CASK: variants seen among roughly 807,000 people sequenced by gnomAD.
CASK encodes the protein peripheral plasma membrane protein CASK.
Under a neutral mutation model 82.9 loss-of-function variants are expected in CASK, and 4 were observed. That is an observed-to-expected ratio of 0.05 (90% CI 0.02 to 0.11). The LOEUF (loss-of-function observed/expected upper bound fraction) is 0.11, where lower values mean the gene tolerates loss of function less well. Among genes scored for constraint, CASK ranks in the 10% least tolerant of loss-of-function variants. The pLI is 1.00. For missense variants in CASK, 358 were observed against 720.9 expected, an observed-to-expected ratio of 0.50 and a Z score of 5.76; for synonymous variants, 259 against 253.5, an observed-to-expected ratio of 1.02 and a Z score of -0.20.
intron 25 of CASK, chrX:41,524,293 C>A: frequency 2.8e-6 from 1 of 352,578 alleles, no homozygotes; most frequent in Non-Finnish European, 5.0e-6. Flanking sequence ...ATCTATTTTT[C>A]TTCATAAAAG....
At chrX:41,585,834 C>T (rs2065650414) in intron 14 of CASK, 1 of 109,419 alleles carries the variant, frequency 9.1e-6, no homozygotes, top group South Asian at 3.9e-4. Context: ...CTTTGATACA[C>T]ATATTATACT....
chrX:41,770,005 A>AATAATTTTCAAC (rs903562946), intron 3 of CASK, among the ~76,000 whole-genome samples: 1 of 111,185 alleles, frequency 9.0e-6, no homozygotes, highest in Non-Finnish European at 1.9e-5. Flanking sequence ...ATCTTAGGCC[A>AATAATTTTCAAC]ATAATTTTCA....
chrX:41,913,116 A>C, intron 1 of CASK, among the ~76,000 whole-genome samples: 1 of 110,957 alleles, frequency 9.0e-6, no homozygotes, highest in South Asian at 3.7e-4. Context: ...ACTGCTGACC[A>C]AATATTTTAC....
intron 5 of CASK, among the ~76,000 whole-genome samples, chrX:41,731,664 C>T (rs2068398543): frequency 8.9e-6 from 1 of 111,874 alleles, no homozygotes; most frequent in African/African-American, 3.3e-5. Flanking sequence ...GATATCTTTA[C>T]ACCATAGATG....
At chrX:41,646,628 T>C (rs2066762736) in intron 8 of CASK, among the ~76,000 whole-genome samples, 1 of 111,730 alleles carries the variant, frequency 9.0e-6, no homozygotes, top group Admixed American at 9.5e-5. Flanking sequence ...TCGACTGTTG[T>C]TCCCATTACC....
intron 25 of CASK, 43 bp downstream of exon 25, chrX:41,530,964 C>T: frequency 9.2e-7 from 1 of 1,085,529 alleles, no homozygotes; most frequent in Non-Finnish European, 1.3e-6. Flanking sequence ...TGCTTATTGG[C>T]ATGCAGGCAG....
chrX:41,731,605 A>G (rs1178358132), intron 5 of CASK, among the ~76,000 whole-genome samples: 2 of 112,078 alleles, frequency 1.8e-5, no homozygotes, highest in Admixed American at 1.9e-4. Flanking sequence ...TCACATTTTA[A>G]TTTCCTATAC....
intron 2 of CASK, among the ~76,000 whole-genome samples, chrX:41,823,518 C>T (rs1373845430): frequency 9.0e-6 from 1 of 110,900 alleles, no homozygotes; most frequent in Non-Finnish European, 1.9e-5. Flanking sequence ...CTCCCCATTC[C>T]TTCCTCTGCC....
intron 11 of CASK, among the ~76,000 whole-genome samples, chrX:41,618,296 A>G (rs1480946870): frequency 1.8e-5 from 2 of 111,861 alleles, no homozygotes; most frequent in Non-Finnish European, 3.8e-5. Context: ...CTGTCTCTGC[A>G]GGCAAGTGTT....
intron 5 of CASK, among the ~76,000 whole-genome samples, chrX:41,684,741 G>A (rs2067414441): frequency 3.6e-5 from 4 of 111,146 alleles, no homozygotes; most frequent in Admixed American, 9.6e-5. Flanking sequence ...CAAGTGATCC[G>A]CCCGCCTCAT....
rs367679092 is a variant in CASK at position 41,531,896 on chromosome X, T to C, written c.2318-687A>G. On this transcript the variant is annotated intron_variant, in intron 24 of 26. Coordinates refer to ENST00000378163, the MANE Select transcript of CASK (RefSeq NM_001367721.1). The stretch of plus-strand genomic sequence containing the variant: ...AGACCTAAATCAGGAGGTGACAAAC[T>C]GGCTTATGGGCCAAACATGGTCTAC... Among the ~76,000 whole-genome samples the C allele has an allele frequency of 1.1e-4, 12 of 112,607 alleles. No individual in the cohort carries two copies. The East Asian group carries it at 2.8e-3, about 26-fold the overall frequency.
At chrX:41,633,054 A>T (rs1228266753) in intron 9 of CASK, among the ~76,000 whole-genome samples, 4 of 88,752 alleles carry the variant, frequency 4.5e-5, no homozygotes, top group African/African-American at 7.0e-5. Context: ...AAAAAAAAAA[A>T]AAAATAATAA....
At chrX:41,885,549 TAAC>T (rs2072033462) in intron 1 of CASK, among the ~76,000 whole-genome samples, 2 of 112,308 alleles carry the variant, frequency 1.8e-5, no homozygotes, top group Non-Finnish European at 3.8e-5. Context: ...AAATAAGTGT[TAAC>T]AAACTTTGAA....
intron 11 of CASK, among the ~76,000 whole-genome samples, chrX:41,611,426 G>T (rs1368217529): frequency 9.0e-6 from 1 of 111,037 alleles, no homozygotes; most frequent in Admixed American, 9.6e-5. Context: ...GAAAAAAATG[G>T]AAGATTTATA....
At chrX:41,823,841 A>T (rs1011424888) in intron 2 of CASK, among the ~76,000 whole-genome samples, 15 of 110,032 alleles carry the variant, frequency 1.4e-4, no homozygotes, top group Admixed American at 3.9e-4. Flanking sequence ...CCTCATGATC[A>T]TTTTTTTTCA....
At chrX:41,542,123 A>G (rs1316677949) in intron 22 of CASK, among the ~76,000 whole-genome samples, 1 of 112,685 alleles carries the variant, frequency 8.9e-6, no homozygotes, top group Non-Finnish European at 1.9e-5. Flanking sequence ...CCAAGATAAG[A>G]TTCTTGCTCT....
intron 11 of CASK, among the ~76,000 whole-genome samples, chrX:41,620,762 T>C (rs2066276489): frequency 1.8e-5 from 2 of 112,124 alleles, no homozygotes; most frequent in Non-Finnish European, 3.8e-5. Context: ...GGAAACTGTA[T>C]TTTGGACATA....
intron 5 of CASK, among the ~76,000 whole-genome samples, chrX:41,720,291 G>A (rs933578920): frequency 1.8e-5 from 2 of 112,680 alleles, no homozygotes; most frequent in South Asian, 3.6e-4. Context: ...GTGAGGGCCT[G>A]AGAACAGTGT....
At chrX:41,603,816 A>G (rs1010993054) in intron 12 of CASK, among the ~76,000 whole-genome samples, 1 of 112,082 alleles carries the variant, frequency 8.9e-6, no homozygotes, top group Non-Finnish European at 1.9e-5. Context: ...TAGTTGTCAA[A>G]GTTTGGCAGA....
Sources: gnomAD v4.1 joint callset for allele counts (sites outside exome capture counted in the v4.1 genomes callset) on GRCh38, gnomAD v4.1.1 for gene constraint, MANE v1.5 for transcripts, NCBI Gene and HGNC (gene_info 2026-07-23, HGNC 2026-07-21) for gene names.